The following PDE1C variants were observed in gnomAD, a reference collection of about 807,000 sequenced individuals.
PDE1C encodes the protein phosphodiesterase 1C.
In PDE1C, 62 loss-of-function variants were observed where a neutral mutation model predicts 93.1. The observed-to-expected ratio is 0.67, with a 90% CI of 0.54 to 0.82. The LOEUF (loss-of-function observed/expected upper bound fraction) is 0.82, where lower values mean the gene tolerates loss of function less well. PDE1C is among the 40% of genes least tolerant of loss of function. The pLI, the probability that PDE1C is intolerant of heterozygous loss-of-function variation, is 0.00. For missense variants in PDE1C, 742 were observed against 884.6 expected, an observed-to-expected ratio of 0.84 and a Z score of 2.04; for synonymous variants, 325 against 310.1, an observed-to-expected ratio of 1.05 and a Z score of -0.50.
chr7:32,298,199 T>C (rs1219484174), intron 1 of PDE1C, among the ~76,000 whole-genome samples: 3 of 151,880 alleles, frequency 2.0e-5, no homozygotes, highest in East Asian at 3.9e-4. Context: ...TAGGTGTTTC[T>C]ATCAGTGTCC....
chr7:32,374,378 A>G (rs996741044), intron 1 of PDE1C, among the ~76,000 whole-genome samples: 11 of 152,374 alleles, frequency 7.2e-5, no homozygotes, highest in South Asian at 4.1e-4. Context: ...TGATCAATAT[A>G]GTATGGACAG....
intron 1 of PDE1C, among the ~76,000 whole-genome samples, chr7:32,310,848 A>G (rs1783012306): frequency 6.6e-6 from 1 of 152,074 alleles, no homozygotes; most frequent in Non-Finnish European, 1.5e-5. Context: ...AAGAACTAGA[A>G]AAGCAAGAGC....
chr7:32,316,046 G>A (rs1313683196), intron 1 of PDE1C, among the ~76,000 whole-genome samples: 1 of 152,116 alleles, frequency 6.6e-6, no homozygotes, highest in Non-Finnish European at 1.5e-5. Context: ...AAACTAAATT[G>A]TCCTAAGCCA....
chr7:31,997,049 T>C (rs1218899259), intron 2 of PDE1C, among the ~76,000 whole-genome samples: 1 of 152,184 alleles, frequency 6.6e-6, no homozygotes, highest in East Asian at 1.9e-4. Context: ...TAGGAAAAAT[T>C]TATTGCATAG....
downstream of PDE1C, among the ~76,000 whole-genome samples, chr7:31,749,610 G>A (rs1213399760): frequency 6.6e-6 from 1 of 152,152 alleles, no homozygotes; most frequent in African/African-American, 2.4e-5. Context: ...AATGCAACAG[G>A]GGAGGAGAAA....
chr7:31,930,873 A>AAAAAAAAAAAAAAAC (rs1804127664), intron 2 of PDE1C, among the ~76,000 whole-genome samples: 1 of 150,068 alleles, frequency 6.7e-6, no homozygotes, highest in African/African-American at 2.5e-5. Flanking sequence ...AAAAAAAAAA[A>AAAAAAAAAAAAAAAC]AAAGCTTATC....
chr7:31,999,393 T>C lies in PDE1C; in HGVS notation c.128+52161A>G, dbSNP rs540023500. Among the ~76,000 whole-genome samples, 287 of 152,246 alleles carry C rather than the reference T, an allele frequency of 1.9e-3. 1 individual carries two copies. Among genetic ancestry groups the C allele is most frequent in the African/African-American group, 6.4e-3 (265 of 41,526 alleles). The stretch of plus-strand genomic sequence containing the variant: ...GATCCAACATAACTGACACACACTA[T>C]TACAACTCCGTTCAAACACCTATCC... On this transcript the variant is annotated intron_variant, in intron 2 of 17. Coordinates refer to ENST00000396191, the MANE Select transcript of PDE1C (RefSeq NM_001191057.4).
At chr7:32,368,845 G>A (rs980017894) in intron 1 of PDE1C, among the ~76,000 whole-genome samples, 1 of 152,068 alleles carries the variant, frequency 6.6e-6, no homozygotes, top group African/African-American at 2.4e-5. Context: ...ATCAATCCAT[G>A]TATCTACTGC....
intron 1 of PDE1C, among the ~76,000 whole-genome samples, chr7:32,247,752 G>T (rs1440395022): frequency 6.6e-6 from 1 of 152,174 alleles, no homozygotes; most frequent in African/African-American, 2.4e-5. Flanking sequence ...CTATATGCTA[G>T]TATAAGTGTT....
At chr7:32,054,782 TG>T (rs1563257522) in intron 1 of PDE1C, among the ~76,000 whole-genome samples, 2 of 152,174 alleles carry the variant, frequency 1.3e-5, no homozygotes, top group Non-Finnish European at 2.9e-5. Context: ...TCAACCCAAA[TG>T]GTATCATCTT....
In PDE1C at chr7:31,772,405, A is replaced by G. The variant is rs741002; in HGVS notation, c.1960+3259T>C. The stretch of plus-strand genomic sequence containing the variant: ...AGCTCTGATTCCCAGTGTCCCCTGC[A>G]GCACTTTTAGTCCCTTTTGCTCCAC... On this transcript the variant is annotated intron_variant, in intron 17 of 17. Coordinates refer to ENST00000396191, the MANE Select transcript of PDE1C (RefSeq NM_001191057.4). 5.3e-3 allele frequency among the ~76,000 whole-genome samples: 814 copies of G among 152,156 alleles called. 50 individuals are homozygous for G. In the East Asian group the frequency reaches 0.11, roughly 20 times the overall value.
Position 32,336,134 on chromosome 7 carries a change from G to T in PDE1C, c.310+91688C>A, listed in dbSNP as rs540115800. ...AGGAAATGAGCATAGAAAGTGGAAA[G>T]AAATGGATCTAATAGAGGCAAGAGA... On this transcript the variant is annotated intron_variant, in intron 1 of 1. Transcript: ENST00000672256. 2.6e-5 allele frequency among the ~76,000 whole-genome samples: 4 copies of T among 152,302 alleles called. No homozygotes were observed. The South Asian group carries it at 8.3e-4, about 32-fold the overall frequency.
chr7:32,034,639 G>C (rs1412578523), intron 2 of PDE1C, among the ~76,000 whole-genome samples: 1 of 152,090 alleles, frequency 6.6e-6, no homozygotes, highest in East Asian at 1.9e-4. Context: ...CCTCCAAACA[G>C]TACTGATGTG....
At chr7:31,877,453 G>A (rs963680287) in intron 5 of PDE1C, among the ~76,000 whole-genome samples, 1 of 151,990 alleles carries the variant, frequency 6.6e-6, no homozygotes, top group African/African-American at 2.4e-5. Flanking sequence ...CAGGCCATAC[G>A]TTCATGCAGT....
chr7:31,749,230 G>A (rs1794068568), downstream of PDE1C, among the ~76,000 whole-genome samples: 1 of 151,996 alleles, frequency 6.6e-6, no homozygotes, highest in Non-Finnish European at 1.5e-5. Context: ...CTACCTTTGT[G>A]AGGTTGATAT....
intron 3 of PDE1C, among the ~76,000 whole-genome samples, chr7:32,076,702 G>A (rs1796378981): frequency 6.6e-6 from 1 of 150,550 alleles, no homozygotes; most frequent in Non-Finnish European, 1.5e-5. Context: ...CACAGAAAAA[G>A]CTGAGAGAAG....
At chr7:31,830,023 C>G (rs1353137062) in intron 11 of PDE1C, among the ~76,000 whole-genome samples, 2 of 152,136 alleles carry the variant, frequency 1.3e-5, no homozygotes, top group Non-Finnish European at 2.9e-5. Context: ...GATTTCATTA[C>G]TGAACAATCA....
Position 32,070,363 on chromosome 7 carries a change from A to G in PDE1C, c.31T>C (p.Phe11Leu), listed in dbSNP as rs371398323. 24 of 1,614,114 alleles carry G rather than the reference A, an allele frequency of 1.5e-5. No homozygotes were observed. In the African/African-American group the frequency reaches 2.7e-4, roughly 18 times the overall value. MESPTKEIEE[F>L]ESNSLKYLQP... is the part of the protein sequence containing the mutation. Reference sequence around the variant, plus strand: ...AGGTATTTCAGAGAGTTGCTCTCAAATTCTTCAATCTCCTTGGTTGGCGAC... The same window carrying G: ...AGGTATTTCAGAGAGTTGCTCTCAAGTTCTTCAATCTCCTTGGTTGGCGAC... Residue 11 changes from phenylalanine to leucine, a missense_variant, in exon 1 of 18, where the codon TTT becomes CTT. Phe to Leu is a conservative substitution (Grantham distance 22, BLOSUM62 0). Coordinates refer to ENST00000396191, the MANE Select transcript of PDE1C (RefSeq NM_001191057.4).
intron 1 of PDE1C, among the ~76,000 whole-genome samples, chr7:32,284,330 G>A (rs1250190477): frequency 6.6e-6 from 1 of 152,188 alleles, no homozygotes; most frequent in Non-Finnish European, 1.5e-5. Context: ...TCAAGTCCCA[G>A]CTCTACTACT....
Sources: gnomAD v4.1 joint callset for allele counts (sites outside exome capture counted in the v4.1 genomes callset) on GRCh38, gnomAD v4.1.1 for gene constraint, MANE v1.5 for transcripts, NCBI Gene and HGNC (gene_info 2026-07-23, HGNC 2026-07-21) for gene names.